The following TCF12 variants were observed in gnomAD, a reference collection of about 807,000 sequenced individuals.
TCF12 encodes the protein transcription factor 12, also known as DNA-binding protein HTF4.
TCF12 carries 45 observed loss-of-function variants against 86.0 expected under a neutral mutation model. That is an observed-to-expected ratio of 0.52 (90% CI 0.41 to 0.67). TCF12 has a LOEUF of 0.67. TCF12 is among the 30% of genes least tolerant of loss of function. The pLI, the probability that TCF12 is intolerant of heterozygous loss-of-function variation, is 0.00. For synonymous variants in TCF12, 330 were observed against 299.6 expected (o/e 1.10, Z -1.05); for missense variants, 881 against 859.9 (o/e 1.02, Z -0.31).
chr15:57,207,844 C>G (rs577399640), intron 8 of TCF12, among the ~76,000 whole-genome samples: 1 of 152,100 alleles, frequency 6.6e-6, no homozygotes, highest in South Asian at 2.1e-4. Context: ...AAATCAGTAA[C>G]TTAAATGAGA....
intron 8 of TCF12, among the ~76,000 whole-genome samples, chr15:57,217,877 T>A (rs1396937913): frequency 6.6e-6 from 1 of 152,184 alleles, no homozygotes; most frequent in Non-Finnish European, 1.5e-5. Flanking sequence ...AGGATTGAAA[T>A]GGGTCTTTGT....
rs1244931823 is a variant in TCF12, at chr15:57,287,097, T to A, written c.*952T>A. The A allele has an allele frequency of 6.1e-6, 1 of 163,350 alleles. No homozygotes were observed. Among genetic ancestry groups the A allele is most frequent in the Non-Finnish European group, 1.4e-5 (1 of 73,744 alleles). The allele number at this position is 163,350 out of a possible 1,614,324, so 10.1% of individuals were successfully genotyped here. ...AATTGTAAATTACAAGGGAAGAATC[T>A]ACTTTTTAGAAATCGCTTTGTTTTC... On this transcript the variant is annotated 3_prime_UTR_variant, in exon 21 of 21. Transcript: ENST00000333725.
At chr15:56,981,683 A>T (rs1384691671) in intron 3 of TCF12, among the ~76,000 whole-genome samples, 3 of 152,230 alleles carry the variant, frequency 2.0e-5, no homozygotes, top group African/African-American at 7.2e-5. Context: ...TCCAAAACTT[A>T]ACTACGAATA....
chr15:57,053,182 C>T (rs974742017), intron 3 of TCF12, among the ~76,000 whole-genome samples: 2 of 152,088 alleles, frequency 1.3e-5, no homozygotes, highest in African/African-American at 4.8e-5. Context: ...GAGATTATAT[C>T]TTACTGTGAT....
chr15:57,030,451 G>C (rs1252398729), intron 3 of TCF12, among the ~76,000 whole-genome samples: 2 of 152,130 alleles, frequency 1.3e-5, no homozygotes, highest in Admixed American at 1.3e-4. Context: ...GGATCTTGCT[G>C]TGTTGCCCAG....
chr15:57,080,397 GT>G (rs2070523747), intron 4 of TCF12, among the ~76,000 whole-genome samples: 1 of 152,152 alleles, frequency 6.6e-6, no homozygotes, highest in African/African-American at 2.4e-5. Flanking sequence ...TTCATTGCCG[GT>G]TCTTTGTTGG....
intron 8 of TCF12, among the ~76,000 whole-genome samples, chr15:57,209,752 A>G (rs2058024156): frequency 6.6e-6 from 1 of 152,164 alleles, no homozygotes; most frequent in African/African-American, 2.4e-5. Context: ...AGCTTCCCTT[A>G]TTATAAAACC....
chr15:57,085,521 G>T (rs981151782), intron 4 of TCF12, among the ~76,000 whole-genome samples: 2 of 152,068 alleles, frequency 1.3e-5, no homozygotes, highest in East Asian at 3.9e-4. Context: ...TATAATTCCC[G>T]CTCTCACATA....
At chr15:57,094,779 C>T (rs75761940) in intron 5 of TCF12, among the ~76,000 whole-genome samples, 195 of 152,080 alleles carry the variant, frequency 1.3e-3, no homozygotes, top group African/African-American at 4.5e-3. Context: ...ATAAAAACAC[C>T]ATTAAGTGGG....
At chr15:57,246,872 G>C in intron 13 of TCF12, 1 of 409,182 alleles carries the variant, frequency 2.4e-6, no homozygotes, top group Non-Finnish European at 4.8e-6. Context: ...AATGCCTTTC[G>C]GACAACTGTC....
intron 8 of TCF12, among the ~76,000 whole-genome samples, chr15:57,213,711 A>G (rs1327901884): frequency 6.6e-6 from 1 of 152,198 alleles, no homozygotes; most frequent in Non-Finnish European, 1.5e-5. Context: ...AAGAAGAAAC[A>G]AAAAAACGGG....
chr15:57,223,107 T>A (rs2058679751), intron 8 of TCF12, among the ~76,000 whole-genome samples: 1 of 152,020 alleles, frequency 6.6e-6, no homozygotes, highest in African/African-American at 2.4e-5. Context: ...ACTTTGTTTA[T>A]CTGATTTAAT....
At chr15:57,242,747 A>G (rs1195293012) in intron 12 of TCF12, among the ~76,000 whole-genome samples, 4 of 152,340 alleles carry the variant, frequency 2.6e-5, no homozygotes, top group East Asian at 3.9e-4. Flanking sequence ...TGAAATATAT[A>G]TAAAGTATTG....
intron 5 of TCF12, among the ~76,000 whole-genome samples, chr15:57,152,566 A>G (rs1425031653): frequency 1.3e-5 from 2 of 151,932 alleles, no homozygotes; most frequent in Non-Finnish European, 2.9e-5. Context: ...GAGGTAAATA[A>G]TTCCTTTGTG....
At chr15:56,928,797 C>T (rs1244391170) in intron 3 of TCF12, among the ~76,000 whole-genome samples, 1 of 152,142 alleles carries the variant, frequency 6.6e-6, no homozygotes, top group Non-Finnish European at 1.5e-5. Context: ...ACTTGAAATT[C>T]TTTCTGGAGT....
chr15:57,162,958 G>A (rs990401635), intron 5 of TCF12, among the ~76,000 whole-genome samples: 1 of 151,944 alleles, frequency 6.6e-6, no homozygotes, highest in Non-Finnish European at 1.5e-5. Flanking sequence ...GGCAGATCAC[G>A]AGGTCAGGAG....
intron 4 of TCF12, among the ~76,000 whole-genome samples, chr15:57,078,116 T>A (rs539430033): frequency 6.6e-6 from 1 of 152,312 alleles, no homozygotes; most frequent in African/African-American, 2.4e-5. Flanking sequence ...CACTTTATTT[T>A]CCAGTTATCA....
intron 12 of TCF12, among the ~76,000 whole-genome samples, chr15:57,241,608 C>A (rs1324861209): frequency 1.3e-5 from 2 of 152,112 alleles, no homozygotes; most frequent in Non-Finnish European, 2.9e-5. Flanking sequence ...TACAAATTGG[C>A]GTATTTTGTT....
chr15:57,236,950 A>G (rs771351212), intron 12 of TCF12, among the ~76,000 whole-genome samples: 20 of 152,124 alleles, frequency 1.3e-4, no homozygotes, highest in Admixed American at 3.3e-4. Flanking sequence ...ACCCTTTAAG[A>G]TTGTGCCCGT....
Sources: gnomAD v4.1 joint callset for allele counts (sites outside exome capture counted in the v4.1 genomes callset) on GRCh38, gnomAD v4.1.1 for gene constraint, MANE v1.5 for transcripts, NCBI Gene and HGNC (gene_info 2026-07-23, HGNC 2026-07-21) for gene names.